Variants in SMURF2 observed in about 807,000 individuals in gnomAD.
SMURF2 encodes E3 ubiquitin-protein ligase SMURF2.
Under a neutral mutation model 109.6 loss-of-function variants are expected in SMURF2, and 48 were observed. The observed-to-expected ratio is 0.44, with a 90% confidence interval of 0.35 to 0.56. The LOEUF (loss-of-function observed/expected upper bound fraction) is 0.56, where lower values mean the gene tolerates loss of function less well. Ranked by LOEUF, SMURF2 falls within the 20% of genes least tolerant of loss-of-function variation. The pLI, the probability that SMURF2 is intolerant of heterozygous loss-of-function variation, is 0.01. For synonymous variants in SMURF2, 288 were observed against 317.1 expected (o/e 0.91, Z 0.97); for missense variants, 575 against 909.0 (o/e 0.63, Z 4.72).
intron 1 of SMURF2, among the ~76,000 whole-genome samples, chr17:64,613,721 TGTGTGTGTGTGTGTGTGTGTGTGG>T: frequency 7.3e-6 from 1 of 137,462 alleles, no homozygotes; most frequent in Non-Finnish European, 1.6e-5. Flanking sequence ...TGTGTGTGTG[TGTGTGTGTGTGTGTGTGTGTGTGG>T]AGGGGGGGCA....
chr17:64,615,678 T>C (rs1555690037), intron 1 of SMURF2, among the ~76,000 whole-genome samples: 1 of 152,198 alleles, frequency 6.6e-6, no homozygotes, highest in African/African-American at 2.4e-5. Context: ...ACATTCAAGG[T>C]GTTATTACAA....
chr17:64,558,379 A>G (rs1426220757), intron 12 of SMURF2, among the ~76,000 whole-genome samples: 1 of 151,988 alleles, frequency 6.6e-6, no homozygotes, highest in East Asian at 1.9e-4. Flanking sequence ...AGGCTGGGTG[A>G]CAGAGACCCT....
intron 12 of SMURF2, among the ~76,000 whole-genome samples, chr17:64,559,870 C>T (rs1969186686): frequency 6.6e-6 from 1 of 151,574 alleles, no homozygotes; most frequent in East Asian, 2.0e-4. Context: ...GCCTCAGCCT[C>T]CCGAATAGCT....
intron 1 of SMURF2, among the ~76,000 whole-genome samples, chr17:64,642,762 TCAAC>T (rs778516497): frequency 9.9e-5 from 15 of 152,156 alleles, no homozygotes; most frequent in Non-Finnish European, 1.6e-4. Flanking sequence ...GGAGAAAACA[TCAAC>T]CAACCAATTT....
intron 12 of SMURF2, among the ~76,000 whole-genome samples, chr17:64,558,524 T>C (rs1010525881): frequency 4.6e-5 from 7 of 152,240 alleles, no homozygotes; most frequent in African/African-American, 1.7e-4. Context: ...TTTGTTGTAG[T>C]ATTAAGGACA....
rs1341179817 is a variant in SMURF2 at position 64,543,267 on chromosome 17, TTTC to T, written c.*2578_*2580del. 2 of 145,966 alleles carry T rather than the reference TTTC, an allele frequency of 1.4e-5. No homozygotes were observed. Among genetic ancestry groups the T allele is most frequent in the East Asian group, 1.9e-4 (1 of 5,176 alleles). The allele number at this position is 145,966 out of a possible 1,614,324, so 9.0% of individuals were successfully genotyped here. A position where few individuals can be genotyped will look rare whatever the true frequency, so the allele number is the denominator to read the frequency against. On this transcript the variant is annotated 3_prime_UTR_variant, in exon 19 of 19. Coordinates refer to ENST00000262435, the MANE Select transcript of SMURF2 (RefSeq NM_022739.4). ...TAACATAGACTGTTATGGAGAGTAATTTCTTTTTTTTTTTTTTTTGGGCGGGGA... is the reference window on the plus strand; with the variant it reads ...TAACATAGACTGTTATGGAGAGTAATTTTTTTTTTTTTTTTTGGGCGGGGA...
At chr17:64,626,538 G>A (rs1043023011) in intron 1 of SMURF2, among the ~76,000 whole-genome samples, 5 of 152,040 alleles carry the variant, frequency 3.3e-5, no homozygotes, top group Admixed American at 6.6e-5. Context: ...TGAGGCAGGC[G>A]GATCATTTGA....
rs1422479660 is a variant in SMURF2, at chr17:64,557,683, T to C, written c.1356A>G (p.Pro452=). 1.2e-6 allele frequency: 2 copies of C among 1,612,248 alleles called. No individual in the cohort carries two copies. Among genetic ancestry groups the C allele is most frequent in the Non-Finnish European group, 1.7e-6 (2 of 1,178,984 alleles). The change falls in exon 13 of 19, where the codon CCA becomes CCG. Residue 452 remains proline, a synonymous_variant. Transcript: ENST00000262435. The part of the protein sequence containing the change: ...LYLLSHEMLN[P]YYGLFQYSRD... ...TTGAATACTGGAAGAGGCCATAGTA[T>C]GGATTCAACATTTCATGTGACAAGA...
chr17:64,562,428 G>T (rs142838839), intron 11 of SMURF2, among the ~76,000 whole-genome samples: 1 of 145,908 alleles, frequency 6.9e-6, no homozygotes, highest in Non-Finnish European at 1.5e-5. Flanking sequence ...TGCCCAGGCT[G>T]GAGTACAATG....
At chr17:64,647,048 C>T (rs1970568327) in intron 1 of SMURF2, among the ~76,000 whole-genome samples, 1 of 152,190 alleles carries the variant, frequency 6.6e-6, no homozygotes, top group African/African-American at 2.4e-5. Flanking sequence ...TCCATCAAGT[C>T]TTATCTGTTT....
chr17:64,557,743 A>G (rs370349960), intron 12 of SMURF2, 21 bp from the exon 13 acceptor site: 8 of 1,452,376 alleles, frequency 5.5e-6, no homozygotes, highest in Non-Finnish European at 7.6e-6. Context: ...AGATATGACC[A>G]AGGAATTTTT....
At chr17:64,561,748 AC>A in intron 11 of SMURF2, 145 bp from the exon 12 acceptor site, 1 of 588,598 alleles carries the variant, frequency 1.7e-6, no homozygotes, top group Non-Finnish European at 3.0e-6. Flanking sequence ...TGTAATCCCA[AC>A]ACTTTGGGAG....
intron 4 of SMURF2, among the ~76,000 whole-genome samples, chr17:64,591,522 T>C (rs2144653796): frequency 6.6e-6 from 1 of 152,314 alleles, no homozygotes; most frequent in Middle Eastern, 3.4e-3. Flanking sequence ...TAGTTGTCAT[T>C]ATCATTTTTT....
At position 64,621,798 on chromosome 17, in the gene SMURF2, G is replaced by A. The variant is rs146359873; in HGVS notation, c.53-15158C>T. 8.2e-3 allele frequency among the ~76,000 whole-genome samples: 1,240 copies of A among 150,848 alleles called. 11 individuals carry two copies. Among genetic ancestry groups the A allele is most frequent in the Middle Eastern group, 0.014 (4 of 292 alleles). On this transcript the variant is annotated intron_variant, in intron 1 of 18. Transcript: ENST00000262435. ...CTGAGGCAGGAGAATTGCTTGAACC[G>A]GGACCCGGGAGGCGGAGGTAGCAGT...
chr17:64,612,302 A>G (rs1329029862), intron 1 of SMURF2, among the ~76,000 whole-genome samples: 3 of 152,102 alleles, frequency 2.0e-5, no homozygotes, highest in Non-Finnish European at 4.4e-5. Context: ...ATAGACCCTA[A>G]AATAATCTAA....
At chr17:64,638,343 G>T (rs1375599437) in intron 1 of SMURF2, among the ~76,000 whole-genome samples, 1 of 152,188 alleles carries the variant, frequency 6.6e-6, no homozygotes, top group African/African-American at 2.4e-5. Flanking sequence ...TGGGATTACA[G>T]GCATGAGCCA....
chr17:64,570,662 C>G (rs782360242), intron 10 of SMURF2, among the ~76,000 whole-genome samples: 27 of 152,224 alleles, frequency 1.8e-4, no homozygotes, highest in Admixed American at 1.0e-3. Flanking sequence ...CCAGACTTCA[C>G]CACTGGCAAC....
chr17:64,639,956 C>T (rs1377537823), intron 1 of SMURF2, among the ~76,000 whole-genome samples: 1 of 152,014 alleles, frequency 6.6e-6, no homozygotes, highest in African/African-American at 2.4e-5. Context: ...TAAAAGTGTA[C>T]CAATATTGGT....
intron 2 of SMURF2, 31 bp from the exon 3 acceptor site, chr17:64,598,521 T>C (rs1291776716): frequency 4.5e-6 from 7 of 1,539,984 alleles, no homozygotes; most frequent in African/African-American, 1.4e-5. Context: ...AAATTAATAA[T>C]TTGACATTTA....
Sources: allele counts gnomAD v4.1 joint callset (sites outside exome capture counted in the v4.1 genomes callset), GRCh38; gene constraint gnomAD v4.1.1; transcripts MANE v1.5; gene names NCBI Gene and HGNC (gene_info 2026-07-23, HGNC 2026-07-21).